PHEX: variants seen among roughly 807,000 people sequenced by gnomAD.
The protein encoded by PHEX is phosphate regulating endopeptidase X-linked, also known as phosphate-regulating neutral endopeptidase PHEX.
Under a neutral mutation model 68.0 loss-of-function variants are expected in PHEX, and 16 were observed. That is an observed-to-expected ratio of 0.24 (90% CI 0.16 to 0.36). The LOEUF is 0.36. Ranked by LOEUF, PHEX falls within the 10% of genes least tolerant of loss-of-function variation. The pLI, the probability that PHEX is intolerant of heterozygous loss-of-function variation, is 1.00. For missense variants in PHEX, 480 were observed against 575.5 expected (o/e 0.83, Z 1.70); for synonymous variants, 208 against 205.1 (o/e 1.01, Z -0.12).
chrX:22,072,521 G>A (rs1353827038), intron 3 of PHEX, among the ~76,000 whole-genome samples: 2 of 112,326 alleles, frequency 1.8e-5, no homozygotes, highest in Non-Finnish European at 3.8e-5. Flanking sequence ...GAAAAATGGA[G>A]AAGCTGAACT....
chrX:22,051,068 C>T (rs1927809027), intron 3 of PHEX, among the ~76,000 whole-genome samples: 1 of 111,637 alleles, frequency 9.0e-6, no homozygotes, highest in Non-Finnish European at 1.9e-5. Flanking sequence ...ATATGTGTTT[C>T]TATGCTCTGG....
rs185862803 is a variant in PHEX at position 22,099,151 on chromosome X, A to G, written c.1079A>G (p.Lys360Arg). 3 of 1,203,399 alleles carry G rather than the reference A, an allele frequency of 2.5e-6. No individual in the cohort carries two copies. The highest frequency in any genetic ancestry group is 3.0e-5 in the East Asian group (1 of 33,757). ...AGGATATTAGGGTCTGAGAGAAAGA[A>G]GTAAGAACTTTCACATGAATTTTAC... ...LFRILGSERK[K>R]TIANYLVWRM... The change falls in exon 9 of 22, where the codon AAG becomes AGG. Residue 360 changes from lysine (K) to arginine (R), a missense_variant and splice_region_variant. By Grantham distance (26) the Lys-to-Arg change is conservative. Coordinates refer to ENST00000379374, the MANE Select transcript of PHEX (RefSeq NM_000444.6).
rs374663068 is a variant in PHEX at position 22,231,968 on chromosome X, GT to G, written c.2070+4358del. 5.2e-3 allele frequency among the ~76,000 whole-genome samples: 578 copies of G among 111,812 alleles called. 2 individuals are homozygous for G. The highest frequency in any genetic ancestry group is 0.018 in the African/African-American group (546 of 30,749). Reference sequence around the variant, plus strand: ...TGTCCCAGAGATTCTGGTACATTGTGTCTTTGTTCTCACTGGTTTCAAAGAA... The same window carrying G: ...TGTCCCAGAGATTCTGGTACATTGTGCTTTGTTCTCACTGGTTTCAAAGAA... On this transcript the variant is annotated intron_variant, in intron 20 of 21. Transcript: ENST00000379374.
At chrX:22,152,822 T>A (rs1932877035) in intron 12 of PHEX, among the ~76,000 whole-genome samples, 1 of 111,767 alleles carries the variant, frequency 8.9e-6, no homozygotes, top group Non-Finnish European at 1.9e-5. Flanking sequence ...GATGTGTGTA[T>A]GTTTTAAAAA....
intron 9 of PHEX, 59 bp downstream of exon 9, chrX:22,099,210 C>G (rs909020299): frequency 8.0e-5 from 81 of 1,009,341 alleles, no homozygotes; most frequent in Non-Finnish European, 1.1e-4. Context: ...ATTATAAGGG[C>G]TTCCCTTCTC....
chrX:22,234,626 C>G (rs1935898512), intron 20 of PHEX, among the ~76,000 whole-genome samples: 1 of 109,504 alleles, frequency 9.1e-6, no homozygotes, highest in Non-Finnish European at 1.9e-5. Flanking sequence ...CCCCCAAGCT[C>G]AAGTGTCCCA....
chrX:22,038,532 A>G lies in PHEX; in HGVS notation c.182A>G (p.Glu61Gly). 1 of 1,169,342 alleles carries G rather than the reference A, an allele frequency of 8.6e-7. No homozygotes were observed. Among genetic ancestry groups the G allele is most frequent in the Non-Finnish European group, 1.2e-6 (1 of 856,941 alleles). Residue 61 changes from glutamate (E) to glycine (G), a missense_variant, in exon 2 of 22, where the codon GAA becomes GGA. Coordinates refer to ENST00000379374, the MANE Select transcript of PHEX (RefSeq NM_000444.6). ...QEYCLKPECI[E>G]AAAAILSKVN... ...TACTGCCTGAAGCCAGAATGCATCG[A>G]AGCGGGTAAGTCACAGTTTTCCATC...
intron 11 of PHEX, among the ~76,000 whole-genome samples, chrX:22,128,688 T>C (rs940177375): frequency 1.8e-5 from 2 of 111,700 alleles, no homozygotes; most frequent in African/African-American, 6.5e-5. Context: ...TTGTCCCAAA[T>C]AAATATTTTC....
intron 10 of PHEX, 136 bp downstream of exon 10, chrX:22,111,696 TTG>T (rs373602137): frequency 1.5e-3 from 755 of 508,237 alleles, no homozygotes; most frequent in African/African-American, 5.3e-3. Flanking sequence ...TCTATTGTTT[TTG>T]TGTGTGTGTG....
chrX:22,217,982 C>G lies in PHEX; in HGVS notation c.1701-1054C>G, dbSNP rs187999939. On this transcript the variant is annotated intron_variant, in intron 16 of 21. Coordinates refer to ENST00000379374, the MANE Select transcript of PHEX (RefSeq NM_000444.6). Reference sequence around the variant, plus strand: ...GCAGGACTGAGCTGAGACAGCTGCTCTGTATGGTGCTGGCCGGGGTCGCTC... The same window carrying G: ...GCAGGACTGAGCTGAGACAGCTGCTGTGTATGGTGCTGGCCGGGGTCGCTC... Among the ~76,000 whole-genome samples, 514 of 110,550 alleles carry G rather than the reference C, an allele frequency of 4.6e-3. 4 individuals carry two copies. The highest frequency in any genetic ancestry group is 6.3e-3 in the Non-Finnish European group (332 of 52,826).
chrX:22,078,189 C>T (rs1306301057), intron 5 of PHEX, among the ~76,000 whole-genome samples: 1 of 112,201 alleles, frequency 8.9e-6, no homozygotes. Flanking sequence ...TCCAAAGATA[C>T]AGCAAAACTT....
chrX:22,046,862 C>T (rs750038364), intron 2 of PHEX, among the ~76,000 whole-genome samples, 188 bp from the exon 3 acceptor site: 4 of 111,345 alleles, frequency 3.6e-5, no homozygotes, highest in Non-Finnish European at 1.9e-5. Context: ...CCCTTGCACC[C>T]GGCCTATCCA....
intron 20 of PHEX, among the ~76,000 whole-genome samples, chrX:22,235,237 G>A (rs1439375158): frequency 8.9e-6 from 1 of 111,812 alleles, no homozygotes; most frequent in Non-Finnish European, 1.9e-5. Context: ...CTTACTTTCT[G>A]CATTGATTTG....
intron 3 of PHEX, among the ~76,000 whole-genome samples, chrX:22,050,601 G>C (rs763442070): frequency 5.1e-4 from 56 of 109,165 alleles, no homozygotes; most frequent in African/African-American, 1.8e-3. Context: ...AAACAGAACG[G>C]TGTTGAAATA....
At chrX:22,053,046 C>T (rs951167042) in intron 3 of PHEX, among the ~76,000 whole-genome samples, 3 of 111,890 alleles carry the variant, frequency 2.7e-5, no homozygotes, top group Non-Finnish European at 5.6e-5. Context: ...ATAAATTACC[C>T]AGTCCAGTTC....
chrX:22,114,230 G>T (rs918523742), intron 10 of PHEX, among the ~76,000 whole-genome samples: 3 of 110,845 alleles, frequency 2.7e-5, no homozygotes, highest in African/African-American at 9.9e-5. Context: ...GATTACAGAT[G>T]TGAGCCACTT....
Position 22,190,804 on chromosome X carries a change from T to C in PHEX, c.1645+302T>C, listed in dbSNP as rs5951720. Among the ~76,000 whole-genome samples, 1,306 of 111,502 alleles carry C rather than the reference T, an allele frequency of 0.012. 70 individuals are homozygous for C. The East Asian group carries it at 0.22, about 19-fold the overall frequency. On this transcript the variant is annotated intron_variant, in intron 15 of 21. Transcript: ENST00000379374. The stretch of plus-strand genomic sequence containing the variant: ...TTCCACTTTCCTTTCATAATGGCCT[T>C]ACTGATTTTGTCCATGCCATTTTAT...
At chrX:22,112,731 C>T (rs1225859657) in intron 10 of PHEX, among the ~76,000 whole-genome samples, 4 of 110,064 alleles carry the variant, frequency 3.6e-5, no homozygotes, top group African/African-American at 6.6e-5. Context: ...GGTGAAACCT[C>T]GTCTCTACAA....
Position 22,081,612 on chromosome X carries a change from G to A in PHEX, c.663+3910G>A, listed in dbSNP as rs763117475. Reference sequence around the variant, plus strand: ...TGAGCAGATGGTGCCTTTGGGTGAAGAGACAGGCACCCTTTCTAAGGGTTA... The same window carrying A: ...TGAGCAGATGGTGCCTTTGGGTGAAAAGACAGGCACCCTTTCTAAGGGTTA... On this transcript the variant is annotated intron_variant, in intron 5 of 21. Coordinates refer to ENST00000379374, the MANE Select transcript of PHEX (RefSeq NM_000444.6). Among the ~76,000 whole-genome samples, 85 of 111,533 alleles carry A rather than the reference G, an allele frequency of 7.6e-4. No homozygotes were observed. In the Middle Eastern group the frequency reaches 0.014, roughly 18 times the overall value.
Sources: allele counts gnomAD v4.1 joint callset (sites outside exome capture counted in the v4.1 genomes callset), GRCh38; gene constraint gnomAD v4.1.1; transcripts MANE v1.5; gene names NCBI Gene and HGNC (gene_info 2026-07-23, HGNC 2026-07-21).